Variants in OPHN1 observed in about 807,000 individuals in gnomAD.
OPHN1 encodes oligophrenin 1.
Under a neutral mutation model 60.7 loss-of-function variants are expected in OPHN1, and 11 were observed. The observed-to-expected ratio is 0.18, with a 90% CI of 0.11 to 0.30. The LOEUF (loss-of-function observed/expected upper bound fraction) is 0.30. OPHN1 is among the 10% of genes least tolerant of loss of function. The pLI is 1.00. For synonymous variants in OPHN1, 226 were observed against 222.6 expected (o/e 1.02, Z -0.14); for missense variants, 449 against 611.0 (o/e 0.73, Z 2.80).
intron 2 of OPHN1, among the ~76,000 whole-genome samples, chrX:68,333,908 TG>T (rs34459584): frequency 0.24 from 22,179 of 92,138 alleles, 2,802 homozygotes; most frequent in African/African-American, 0.55. Flanking sequence ...TTTTTTTTTT[TG>T]GGTTGGGGGA....
At chrX:68,113,547 C>A (rs1344990620) in intron 16 of OPHN1, among the ~76,000 whole-genome samples, 1 of 110,928 alleles carries the variant, frequency 9.0e-6, no homozygotes, top group Non-Finnish European at 1.9e-5. Context: ...GAATCCCTTA[C>A]GATTTGATAG....
intron 18 of OPHN1, among the ~76,000 whole-genome samples, chrX:68,108,808 A>C (rs2077092347): frequency 9.0e-6 from 1 of 111,476 alleles, no homozygotes; most frequent in Non-Finnish European, 1.9e-5. Flanking sequence ...ATTGGTGTTC[A>C]GTTTTACGGT....
At chrX:68,163,412 T>C (rs1201401054) in intron 15 of OPHN1, among the ~76,000 whole-genome samples, 2 of 93,068 alleles carry the variant, frequency 2.1e-5, no homozygotes, top group African/African-American at 7.8e-5. Context: ...TTTTTAAGGC[T>C]GAATGAAAAT....
chrX:68,063,209 C>CAA (rs1025753742), intron 21 of OPHN1, among the ~76,000 whole-genome samples: 2 of 102,735 alleles, frequency 1.9e-5, no homozygotes, highest in African/African-American at 7.0e-5. Flanking sequence ...AACAAACAAA[C>CAA]AAAAAAAAAA....
chrX:68,240,804 T>C (rs1375746924), intron 5 of OPHN1, among the ~76,000 whole-genome samples: 2 of 111,900 alleles, frequency 1.8e-5, no homozygotes, highest in African/African-American at 6.5e-5. Context: ...TGTTATCAAT[T>C]TTTTTAATTT....
chrX:68,069,843 T>C (rs929831784), intron 20 of OPHN1, among the ~76,000 whole-genome samples: 1 of 110,219 alleles, frequency 9.1e-6, no homozygotes, highest in Admixed American at 9.7e-5. Flanking sequence ...GCCAAGAGAG[T>C]AGCAAATGCA....
At chrX:68,073,011 C>T in intron 20 of OPHN1, 141 bp downstream of exon 20, 2 of 672,565 alleles carry the variant, frequency 3.0e-6, no homozygotes. Flanking sequence ...AAACTACAAA[C>T]CCTGGCTGCT....
chrX:68,118,010 C>T lies in OPHN1; in HGVS notation c.1361+1238G>A, dbSNP rs1270413214. Among the ~76,000 whole-genome samples the T allele has an allele frequency of 1.3e-4, 15 of 111,985 alleles. No homozygotes were observed. The East Asian group carries it at 4.2e-3, about 32-fold the overall frequency. ...AATCACTTATTCCCACTATTCTCAT[C>T]ACAACAAGTCTTCTTAAAGTATTTG... On this transcript the variant is annotated intron_variant, in intron 16 of 24. Coordinates refer to ENST00000355520, the MANE Select transcript of OPHN1 (RefSeq NM_002547.3).
At chrX:68,365,992 C>A (rs1379732864) in intron 2 of OPHN1, among the ~76,000 whole-genome samples, 24 of 106,738 alleles carry the variant, frequency 2.2e-4, no homozygotes, top group Non-Finnish European at 2.7e-4. Context: ...AAAAAAAAAA[C>A]AAATTCCTCC....
intron 7 of OPHN1, among the ~76,000 whole-genome samples, chrX:68,212,815 T>TG (rs1319557718): frequency 8.9e-6 from 1 of 112,331 alleles, no homozygotes; most frequent in African/African-American, 3.2e-5. Flanking sequence ...AGTATGTAAA[T>TG]GAACTGCATC....
At chrX:68,126,763 A>G (rs1442420452) in intron 15 of OPHN1, among the ~76,000 whole-genome samples, 2 of 111,961 alleles carry the variant, frequency 1.8e-5, no homozygotes, top group Non-Finnish European at 3.8e-5. Context: ...TAATTCTTAC[A>G]TACATCTTTG....
intron 2 of OPHN1, among the ~76,000 whole-genome samples, chrX:68,415,338 C>T (rs2078788748): frequency 8.9e-6 from 1 of 111,839 alleles, no homozygotes; most frequent in African/African-American, 3.2e-5. Flanking sequence ...CCTGAAATAA[C>T]AAGATCATAC....
At chrX:68,216,006 A>T (rs1340478049) in intron 6 of OPHN1, among the ~76,000 whole-genome samples, 2 of 111,969 alleles carry the variant, frequency 1.8e-5, no homozygotes, top group African/African-American at 6.5e-5. Flanking sequence ...CTAACAGATA[A>T]GAATTTGTCT....
chrX:68,383,098 G>A (rs2078605735), intron 2 of OPHN1, among the ~76,000 whole-genome samples: 1 of 110,642 alleles, frequency 9.0e-6, no homozygotes, highest in Non-Finnish European at 1.9e-5. Flanking sequence ...CGAGATGGGA[G>A]GATCACTTGA....
At position 68,193,971 on chromosome X, in the gene OPHN1, AAG is replaced by A; in HGVS notation, c.1139-21_1139-20del. On this transcript the variant is annotated intron_variant, in intron 13 of 24. Coordinates refer to ENST00000355520, the MANE Select transcript of OPHN1 (RefSeq NM_002547.3). ...AGCTCCACTGTTTCAAGCAAAGGAA[AAG>A]AGTTAGATCCTGCTGCAACAGGTGT... The A allele has an allele frequency of 8.5e-7, 1 of 1,180,916 alleles. No homozygotes were observed. The highest frequency in any genetic ancestry group is 1.2e-6 in the Non-Finnish European group (1 of 867,484).
chrX:68,158,334 T>C (rs2077319232), intron 15 of OPHN1, among the ~76,000 whole-genome samples: 2 of 112,113 alleles, frequency 1.8e-5, no homozygotes, highest in Admixed American at 9.5e-5. Context: ...AAACAAAATA[T>C]AAGCAACTGT....
At chrX:68,119,899 A>T (rs1293092899) in intron 15 of OPHN1, among the ~76,000 whole-genome samples, 2 of 111,590 alleles carry the variant, frequency 1.8e-5, no homozygotes, top group Non-Finnish European at 3.8e-5. Context: ...AAAGATAAGT[A>T]GTCATTTAAA....
chrX:68,255,666 A>C (rs752887120), intron 5 of OPHN1, among the ~76,000 whole-genome samples: 3 of 109,738 alleles, frequency 2.7e-5, no homozygotes, highest in Admixed American at 2.0e-4. Context: ...ACAGATTTTG[A>C]ACTTGCCAGC....
At chrX:68,066,712 A>G (rs1223282427) in intron 20 of OPHN1, among the ~76,000 whole-genome samples, 2 of 111,833 alleles carry the variant, frequency 1.8e-5, no homozygotes, top group Non-Finnish European at 3.8e-5. Context: ...AAAGTAGTAC[A>G]TTGTTACTAG....
Sources: allele counts gnomAD v4.1 joint callset (sites outside exome capture counted in the v4.1 genomes callset), GRCh38; gene constraint gnomAD v4.1.1; transcripts MANE v1.5; gene names NCBI Gene and HGNC (gene_info 2026-07-23, HGNC 2026-07-21).